The following RTN1 variants were observed in gnomAD, a reference collection of about 807,000 sequenced individuals.
RTN1 encodes the protein reticulon-1.
A neutral mutation model predicts 65.5 loss-of-function variants in RTN1; 25 were observed. The ratio of observed to expected loss-of-function variants is 0.38; its 90% confidence interval spans 0.28 to 0.53. The LOEUF is 0.53. Among genes scored for constraint, RTN1 ranks in the 20% least tolerant of loss-of-function variants. RTN1 has a pLI of 0.79. For synonymous variants in RTN1, 471 were observed against 447.6 expected (o/e 1.05, Z -0.66); for missense variants, 983 against 1,025.4 (o/e 0.96, Z 0.57).
At chr14:59,863,032 A>T (rs1264396899) in intron 1 of RTN1, among the ~76,000 whole-genome samples, 1 of 152,032 alleles carries the variant, frequency 6.6e-6, no homozygotes, top group East Asian at 1.9e-4. Context: ...ATAGCCATGA[A>T]CTGTCCTCAC....
intron 3 of RTN1, among the ~76,000 whole-genome samples, chr14:59,618,310 C>G (rs1250519658): frequency 2.0e-5 from 3 of 152,178 alleles, no homozygotes; most frequent in Non-Finnish European, 4.4e-5. Context: ...AAGATCAGTG[C>G]TTGAGATATT....
chr14:59,749,663 ATATATATT>A (rs1249482916), intron 1 of RTN1, among the ~76,000 whole-genome samples: 1,481 of 93,976 alleles, frequency 0.016, 100 homozygotes, highest in African/African-American at 0.072. Flanking sequence ...ATAGATATCT[ATATATATT>A]TATATATCTA....
At chr14:59,670,292 T>C (rs1188114868) in intron 3 of RTN1, among the ~76,000 whole-genome samples, 4 of 152,210 alleles carry the variant, frequency 2.6e-5, no homozygotes, top group African/African-American at 9.6e-5. Context: ...CAGTAAATTT[T>C]TGCAAACAAA....
At chr14:59,839,037 G>A (rs1887264609) in intron 1 of RTN1, among the ~76,000 whole-genome samples, 1 of 151,988 alleles carries the variant, frequency 6.6e-6, no homozygotes, top group Non-Finnish European at 1.5e-5. Flanking sequence ...AAAAGAAAGA[G>A]ACGCTTTCCA....
intron 2 of RTN1, among the ~76,000 whole-genome samples, chr14:59,736,992 CTG>C (rs1444377260): frequency 6.6e-6 from 1 of 152,158 alleles, no homozygotes; most frequent in Non-Finnish European, 1.5e-5. Flanking sequence ...TGTCAATAAA[CTG>C]GGTTTTGAAG....
chr14:59,858,724 C>A (rs1887653870), intron 1 of RTN1, among the ~76,000 whole-genome samples: 1 of 151,930 alleles, frequency 6.6e-6, no homozygotes, highest in African/African-American at 2.4e-5. Flanking sequence ...CATAGTTTTC[C>A]AATGAATAAT....
chr14:59,706,761 A>AACTGAC (rs1884302935), intron 3 of RTN1, among the ~76,000 whole-genome samples: 1 of 152,248 alleles, frequency 6.6e-6, no homozygotes, highest in Non-Finnish European at 1.5e-5. Flanking sequence ...GTTCTGCTCA[A>AACTGAC]ACTGACCTTT....
intron 1 of RTN1, among the ~76,000 whole-genome samples, chr14:59,798,539 A>G (rs923377508): frequency 6.6e-6 from 1 of 152,122 alleles, no homozygotes; most frequent in Non-Finnish European, 1.5e-5. Context: ...CCCATTCTCC[A>G]TCTTCAAAGC....
At chr14:59,605,757 G>T (rs948459271) in intron 4 of RTN1, 2 of 344,724 alleles carry the variant, frequency 5.8e-6, no homozygotes, top group Admixed American at 4.7e-5. Flanking sequence ...ACACAGCATG[G>T]GTGGGCTGAA....
chr14:59,750,352 ATTATATCT>A (rs1351097244), intron 1 of RTN1, among the ~76,000 whole-genome samples: 246 of 16,988 alleles, frequency 0.014, 30 homozygotes, highest in African/African-American at 0.077. Flanking sequence ...TATAATATAT[ATTATATCT>A]ATATATTATA....
intron 1 of RTN1, among the ~76,000 whole-genome samples, chr14:59,852,906 AGTAT>A (rs1566748214): frequency 6.6e-6 from 1 of 152,198 alleles, no homozygotes; most frequent in Non-Finnish European, 1.5e-5. Context: ...ATATATTCTT[AGTAT>A]GTATTTGTGT....
intron 3 of RTN1, among the ~76,000 whole-genome samples, chr14:59,654,764 G>T (rs1329323578): frequency 6.6e-6 from 1 of 152,004 alleles, no homozygotes; most frequent in Non-Finnish European, 1.5e-5. Flanking sequence ...TGTTAAAAAC[G>T]ACAACAAGAA....
At chr14:59,837,973 G>A (rs1342237084) in intron 1 of RTN1, among the ~76,000 whole-genome samples, 1 of 151,976 alleles carries the variant, frequency 6.6e-6, no homozygotes, top group African/African-American at 2.4e-5. Flanking sequence ...TAGATTCAGG[G>A]GGTACATGTG....
chr14:59,630,426 T>C, intron 3 of RTN1: 1 of 1,613,146 alleles, frequency 6.2e-7, no homozygotes, highest in East Asian at 2.2e-5. Flanking sequence ...AGGCATGCAC[T>C]ACTGAAATAA....
chr14:59,804,810 G>C (rs1359514818), intron 1 of RTN1, among the ~76,000 whole-genome samples: 1 of 152,164 alleles, frequency 6.6e-6, no homozygotes, highest in Non-Finnish European at 1.5e-5. Flanking sequence ...CTGATCATGA[G>C]GAAAGGTGAA....
chr14:59,716,486 C>T (rs894495120), intron 3 of RTN1, among the ~76,000 whole-genome samples: 2 of 152,140 alleles, frequency 1.3e-5, no homozygotes, highest in African/African-American at 4.8e-5. Flanking sequence ...AACTAAGTTA[C>T]CCATTTGGAA....
chr14:59,738,964 A>T (rs950526464), intron 2 of RTN1, among the ~76,000 whole-genome samples: 1 of 152,158 alleles, frequency 6.6e-6, no homozygotes, highest in South Asian at 2.1e-4. Context: ...ACACATGGAC[A>T]TATTGAGGGG....
At chr14:59,786,733 G>T (rs770805340) in intron 1 of RTN1, among the ~76,000 whole-genome samples, 2 of 152,150 alleles carry the variant, frequency 1.3e-5, no homozygotes, top group Non-Finnish European at 2.9e-5. Flanking sequence ...TGATGAATAC[G>T]CAGGCTAACA....
chr14:59,651,332 A>G (rs1883015964), intron 3 of RTN1, among the ~76,000 whole-genome samples: 2 of 152,206 alleles, frequency 1.3e-5, no homozygotes, highest in South Asian at 4.1e-4. Flanking sequence ...CTGGCTAGCC[A>G]TATGCAGAAA....
Sources: allele counts gnomAD v4.1 joint callset (sites outside exome capture counted in the v4.1 genomes callset), GRCh38; gene constraint gnomAD v4.1.1; transcripts MANE v1.5; gene names NCBI Gene and HGNC (gene_info 2026-07-23, HGNC 2026-07-21).